Variants in GALNT13 observed in about 807,000 individuals in gnomAD.
GALNT13 encodes UDP-GalNAc:polypeptide N-acetylgalactosaminyltransferase 13.
A neutral mutation model predicts 64.2 loss-of-function variants in GALNT13; 28 were observed. The observed-to-expected ratio is 0.44, with a 90% CI of 0.32 to 0.60. The LOEUF (loss-of-function observed/expected upper bound fraction) is 0.60, where lower values mean the gene tolerates loss of function less well. Among genes scored for constraint, GALNT13 ranks in the 20% least tolerant of loss-of-function variants. The pLI, the probability that GALNT13 is intolerant of heterozygous loss-of-function variation, is 0.05. For synonymous variants in GALNT13, 214 were observed against 224.6 expected (o/e 0.95, Z 0.42); for missense variants, 577 against 669.8 (o/e 0.86, Z 1.53).
chr2:153,410,473 A>T, the GALNT13 span, among the ~76,000 whole-genome samples: 1 of 152,198 alleles, frequency 6.6e-6, no homozygotes, highest in Non-Finnish European at 1.5e-5. Flanking sequence ...TCAACAAGCA[A>T]TGAGCTTTGA....
chr2:153,265,095 G>A, the GALNT13 span, among the ~76,000 whole-genome samples: 17 of 152,252 alleles, frequency 1.1e-4, no homozygotes, highest in African/African-American at 3.9e-4. Context: ...CTGAAACAGA[G>A]GAAAGGAGTC....
chr2:154,394,217 A>G (rs1328881608), intron 9 of GALNT13, among the ~76,000 whole-genome samples: 3 of 152,100 alleles, frequency 2.0e-5, no homozygotes, highest in Non-Finnish European at 4.4e-5. Flanking sequence ...ATGTGCCAGA[A>G]CCAGCTCACT....
At chr2:154,021,250 A>G (rs1487126436) in intron 3 of GALNT13, among the ~76,000 whole-genome samples, 8 of 152,208 alleles carry the variant, frequency 5.3e-5, no homozygotes, top group Non-Finnish European at 8.8e-5. Context: ...AGTCATTGGT[A>G]GCTTGATGGG....
chr2:153,409,250 A>G, the GALNT13 span, among the ~76,000 whole-genome samples: 1 of 151,082 alleles, frequency 6.6e-6, no homozygotes, highest in Non-Finnish European at 1.5e-5. Flanking sequence ...ATGTGAGTCA[A>G]TTCTCCTTAA....
the GALNT13 span, among the ~76,000 whole-genome samples, chr2:153,102,139 T>C: frequency 8.8e-4 from 134 of 152,284 alleles, 2 homozygotes; most frequent in East Asian, 0.023. Context: ...TGTGTGTCTC[T>C]TGGGAACTCT....
intron 4 of GALNT13, among the ~76,000 whole-genome samples, chr2:154,237,020 T>G (rs949636657): frequency 6.6e-6 from 1 of 152,022 alleles, no homozygotes; most frequent in African/African-American, 2.4e-5. Context: ...ACTTTTGATA[T>G]AGCATTATAA....
chr2:154,354,935 A>ACCT (rs1553518876), intron 9 of GALNT13, among the ~76,000 whole-genome samples: 4 of 151,754 alleles, frequency 2.6e-5, no homozygotes, highest in Non-Finnish European at 4.4e-5. Context: ...GTTTTCTCTG[A>ACCT]CACTAACTTT....
At chr2:153,592,291 C>A in the GALNT13 span, among the ~76,000 whole-genome samples, 3 of 151,982 alleles carry the variant, frequency 2.0e-5, no homozygotes, top group East Asian at 5.8e-4. Context: ...TCTCAAAGAA[C>A]AAAAAAATGT....
intron 9 of GALNT13, among the ~76,000 whole-genome samples, chr2:154,368,871 G>T (rs929066089): frequency 6.6e-6 from 1 of 151,974 alleles, no homozygotes; most frequent in Admixed American, 6.6e-5. Context: ...ATCCTGCTGG[G>T]GTACCATTCT....
At chr2:153,429,464 A>C in the GALNT13 span, among the ~76,000 whole-genome samples, 1 of 152,206 alleles carries the variant, frequency 6.6e-6, no homozygotes, top group Non-Finnish European at 1.5e-5. Context: ...CATTTGACAA[A>C]AAAATGACTG....
intron 1 of GALNT13, among the ~76,000 whole-genome samples, chr2:153,898,784 A>G (rs143022952): frequency 2.0e-5 from 3 of 151,802 alleles, no homozygotes; most frequent in African/African-American, 7.2e-5. Flanking sequence ...GTAGTATTGT[A>G]AGTGGTTATT....
the GALNT13 span, among the ~76,000 whole-genome samples, chr2:153,290,089 C>A: frequency 6.6e-6 from 1 of 152,076 alleles, no homozygotes; most frequent in Non-Finnish European, 1.5e-5. Context: ...TTCTATTATT[C>A]CTTTCTTAAC....
At chr2:153,294,182 T>G in the GALNT13 span, among the ~76,000 whole-genome samples, 11 of 152,154 alleles carry the variant, frequency 7.2e-5, no homozygotes, top group South Asian at 2.3e-3. Context: ...TGGAAATCAG[T>G]CTGGTGGAGG....
At chr2:154,000,024 T>C (rs1221440200) in intron 3 of GALNT13, among the ~76,000 whole-genome samples, 1 of 152,058 alleles carries the variant, frequency 6.6e-6, no homozygotes, top group Middle Eastern at 3.2e-3. Context: ...AGATCTTCCA[T>C]TACTTCATGA....
chr2:154,168,718 C>CT (rs1486843601), intron 4 of GALNT13, among the ~76,000 whole-genome samples: 1 of 150,458 alleles, frequency 6.6e-6, no homozygotes, highest in African/African-American at 2.4e-5. Context: ...TGGTGGGTGC[C>CT]TGTAATCCCA....
chr2:153,561,501 G>A, the GALNT13 span, among the ~76,000 whole-genome samples: 1 of 152,008 alleles, frequency 6.6e-6, no homozygotes, highest in Non-Finnish European at 1.5e-5. Flanking sequence ...TAATGTTTTT[G>A]ATGTGTTTTG....
At chr2:153,454,869 TC>T in the GALNT13 span, among the ~76,000 whole-genome samples, 4 of 152,244 alleles carry the variant, frequency 2.6e-5, no homozygotes, top group Non-Finnish European at 4.4e-5. Context: ...TATAAATCAT[TC>T]ATGGATAATA....
At chr2:154,428,272 G>A (rs141178859) in intron 11 of GALNT13, among the ~76,000 whole-genome samples, 132 of 152,246 alleles carry the variant, frequency 8.7e-4, no homozygotes, top group African/African-American at 2.7e-3. Context: ...TAAGCAGCTC[G>A]GACATATTGG....
chr2:154,201,423 T>C (rs1339316958), intron 4 of GALNT13, among the ~76,000 whole-genome samples: 1 of 152,106 alleles, frequency 6.6e-6, no homozygotes, highest in African/African-American at 2.4e-5. Flanking sequence ...TTGTGAAGCA[T>C]GGCATTGAAT....
Sources: gnomAD v4.1 joint callset for allele counts (sites outside exome capture counted in the v4.1 genomes callset) on GRCh38, gnomAD v4.1.1 for gene constraint, MANE v1.5 for transcripts, NCBI Gene and HGNC (gene_info 2026-07-23, HGNC 2026-07-21) for gene names.